Variants in TXNDC9 observed in about 807,000 individuals in gnomAD.
TXNDC9 encodes the protein thioredoxin domain containing 9, also known as thioredoxin domain-containing protein 9.
Under a neutral mutation model 23.0 loss-of-function variants are expected in TXNDC9, and 7 were observed. The observed-to-expected ratio is 0.30, with a 90% CI of 0.17 to 0.57. The LOEUF is 0.57. Among genes scored for constraint, TXNDC9 ranks in the 20% least tolerant of loss-of-function variants. The probability of loss-of-function intolerance (pLI) is 0.90; values close to 1 mark genes in which losing one functional copy is unlikely to be tolerated. For synonymous variants in TXNDC9, 72 were observed against 90.6 expected (o/e 0.79, Z 1.17); for missense variants, 198 against 252.6 (o/e 0.78, Z 1.47).
intron 3 of TXNDC9, among the ~76,000 whole-genome samples, chr2:99,326,589 A>G (rs2094213212): frequency 6.6e-6 from 1 of 152,260 alleles, no homozygotes; most frequent in South Asian, 2.1e-4. Context: ...TCTGTGCACA[A>G]AAAACCACAA....
the TXNDC9 span, among the ~76,000 whole-genome samples, chr2:99,307,109 ACTCT>A: frequency 2.4e-5 from 2 of 84,002 alleles, no homozygotes; most frequent in African/African-American, 8.1e-5. Flanking sequence ...TCTCCTTCTC[ACTCT>A]CTCTCTCTTT....
intron 2 of TXNDC9, 117 bp from the exon 3 acceptor site, chr2:99,327,770 GT>G (rs1017030015): frequency 1.4e-3 from 670 of 472,714 alleles, no homozygotes; most frequent in East Asian, 1.8e-3. Context: ...AAAAAAAAAA[GT>G]TTTTTTTTTG....
At chr2:99,320,940 A>C (rs917329777) in intron 4 of TXNDC9, among the ~76,000 whole-genome samples, 1 of 152,044 alleles carries the variant, frequency 6.6e-6, no homozygotes, top group African/African-American at 2.4e-5. Flanking sequence ...TCATCTCACT[A>C]TATGTTGCCC....
downstream of TXNDC9, among the ~76,000 whole-genome samples, chr2:99,315,672 C>T (rs1278065288): frequency 2.0e-5 from 3 of 152,056 alleles, no homozygotes; most frequent in South Asian, 2.1e-4. Flanking sequence ...TGTTACATTT[C>T]GAGTTTAACT....
chr2:99,322,272 A>G (rs901077671), intron 3 of TXNDC9, 63 bp from the exon 4 acceptor site: 12 of 1,550,848 alleles, frequency 7.7e-6, no homozygotes, highest in East Asian at 6.8e-5. Context: ...TTCAAAATAA[A>G]TATCATCAAG....
downstream of TXNDC9, chr2:99,318,949 C>T (rs926313080): frequency 6.6e-6 from 1 of 152,236 alleles, no homozygotes; most frequent in African/African-American, 2.4e-5. Context: ...CACAGACTCC[C>T]TATTCTAAAA....
intron 4 of TXNDC9, 30 bp downstream of exon 4, chr2:99,321,925 A>C (rs2094202797): frequency 1.9e-6 from 3 of 1,568,516 alleles, no homozygotes; most frequent in Non-Finnish European, 2.6e-6. Context: ...ATATGAATTA[A>C]AATCAATCTC....
chr2:99,322,497 TCTC>T, intron 3 of TXNDC9: 1 of 1,430,626 alleles, frequency 7.0e-7, no homozygotes, highest in Non-Finnish European at 9.2e-7. Context: ...AGTTGTCCTA[TCTC>T]CTACACAGGA....
the TXNDC9 span, among the ~76,000 whole-genome samples, chr2:99,306,582 A>G: frequency 5.3e-5 from 8 of 152,144 alleles, no homozygotes; most frequent in Non-Finnish European, 1.0e-4. Flanking sequence ...TTGGGAAGGA[A>G]TCCTTCCTGG....
chr2:99,306,596 C>A, the TXNDC9 span, among the ~76,000 whole-genome samples: 2 of 152,138 alleles, frequency 1.3e-5, no homozygotes. Flanking sequence ...TTCCTGGAAA[C>A]TTCATATGAA....
chr2:99,336,097 T>G, intron 1 of TXNDC9, 142 bp downstream of exon 1: 3 of 733,656 alleles, frequency 4.1e-6, no homozygotes, highest in Non-Finnish European at 5.0e-6. Context: ...CGCCTCCTGG[T>G]GCGCTTGCGC....
chr2:99,313,865 T>A, the TXNDC9 span, among the ~76,000 whole-genome samples: 1 of 152,216 alleles, frequency 6.6e-6, no homozygotes, highest in Non-Finnish European at 1.5e-5. Context: ...TTTTGACCTA[T>A]TTCATTCCTA....
At chr2:99,314,475 G>C (rs190568018), downstream of TXNDC9, among the ~76,000 whole-genome samples, 42 of 147,736 alleles carry the variant, frequency 2.8e-4, no homozygotes, top group Non-Finnish European at 5.5e-4. Context: ...ATAATCTGGA[G>C]AGGTTTTAAA....
chr2:99,313,680 T>A, the TXNDC9 span, among the ~76,000 whole-genome samples: 1 of 152,148 alleles, frequency 6.6e-6, no homozygotes, highest in African/African-American at 2.4e-5. Context: ...AAATTATTGT[T>A]AGCCTGATGA....
At chr2:99,313,925 T>C in the TXNDC9 span, among the ~76,000 whole-genome samples, 5 of 152,210 alleles carry the variant, frequency 3.3e-5, no homozygotes, top group Admixed American at 6.5e-5. Context: ...TAACAATACA[T>C]CATGGGTTTT....
At chr2:99,317,186 T>G (rs2094191138), downstream of TXNDC9, among the ~76,000 whole-genome samples, 2 of 152,238 alleles carry the variant, frequency 1.3e-5, no homozygotes, top group East Asian at 3.8e-4. Context: ...GCTTTGAAGT[T>G]TTTATCTGCT....
chr2:99,329,367 C>G (rs1439661952), intron 2 of TXNDC9, among the ~76,000 whole-genome samples: 4 of 152,218 alleles, frequency 2.6e-5, no homozygotes, highest in Non-Finnish European at 5.9e-5. Flanking sequence ...TAAACACACT[C>G]TAATTCACCA....
intron 1 of TXNDC9, 132 bp from the exon 2 acceptor site, chr2:99,333,374 T>C (rs773246514): frequency 7.3e-4 from 507 of 690,744 alleles, no homozygotes; most frequent in Non-Finnish European, 1.0e-3. Context: ...TCCAAGCACT[T>C]GATGCTGGGC....
At chr2:99,309,680 T>G in the TXNDC9 span, among the ~76,000 whole-genome samples, 1 of 152,068 alleles carries the variant, frequency 6.6e-6, no homozygotes, top group Non-Finnish European at 1.5e-5. Flanking sequence ...CAGGCACATT[T>G]CTTTTTTCTT....
Sources: gnomAD v4.1 joint callset for allele counts (sites outside exome capture counted in the v4.1 genomes callset) on GRCh38, gnomAD v4.1.1 for gene constraint, MANE v1.5 for transcripts, NCBI Gene and HGNC (gene_info 2026-07-23, HGNC 2026-07-21) for gene names.